The following SEMA3E variants were observed in gnomAD, a reference collection of about 807,000 sequenced individuals.
The protein encoded by SEMA3E is semaphorin 3E.
SEMA3E carries 49 observed loss-of-function variants against 93.6 expected under a neutral mutation model. That is an observed-to-expected ratio of 0.52 (90% CI 0.42 to 0.66). The LOEUF (loss-of-function observed/expected upper bound fraction) is 0.66, where lower values mean the gene tolerates loss of function less well. Ranked by LOEUF, SEMA3E falls within the 30% of genes least tolerant of loss-of-function variation. The pLI, the probability that SEMA3E is intolerant of heterozygous loss-of-function variation, is 0.00. For missense variants in SEMA3E, 906 were observed against 964.8 expected (o/e 0.94, Z 0.81); for synonymous variants, 363 against 330.7 (o/e 1.10, Z -1.06).
At chr7:83,439,874 G>T (rs1440738420) in intron 4 of SEMA3E, among the ~76,000 whole-genome samples, 6 of 152,146 alleles carry the variant, frequency 3.9e-5, no homozygotes, top group Non-Finnish European at 8.8e-5. Flanking sequence ...ATAGAAATAT[G>T]TAAAACTCAG....
chr7:83,455,303 A>G lies in SEMA3E; in HGVS notation c.456+11179T>C, dbSNP rs1789457847. On this transcript the variant is annotated intron_variant, in intron 4 of 16. Coordinates refer to ENST00000643230, the MANE Select transcript of SEMA3E (RefSeq NM_012431.3). Reference sequence around the variant, plus strand: ...CAAATTTTCCGAGGTTTGAGCAGAAAAATTCTGCAGATGGCCCACACATTC... The same window carrying G: ...CAAATTTTCCGAGGTTTGAGCAGAAGAATTCTGCAGATGGCCCACACATTC... Among the ~76,000 whole-genome samples the G allele has an allele frequency of 2.0e-5, 3 of 152,214 alleles. No homozygotes were observed. The South Asian group carries it at 6.2e-4, about 31-fold the overall frequency.
At chr7:83,433,923 G>A (rs568199111) in intron 4 of SEMA3E, among the ~76,000 whole-genome samples, 3 of 151,830 alleles carry the variant, frequency 2.0e-5, no homozygotes, top group African/African-American at 7.2e-5. Context: ...CATTATTTTG[G>A]GAAAGAATAA....
At chr7:83,537,266 A>G (rs73378789) in intron 1 of SEMA3E, among the ~76,000 whole-genome samples, 2,943 of 152,292 alleles carry the variant, frequency 0.019, 95 homozygotes, top group African/African-American at 0.067. Context: ...AGATATACAC[A>G]TTCACAGTTT....
chr7:83,593,260 G>GTCTCTCTCTCTCTCTCTCTCTCTC (rs1186592715), intron 1 of SEMA3E, among the ~76,000 whole-genome samples: 2 of 96,336 alleles, frequency 2.1e-5, no homozygotes, highest in African/African-American at 9.4e-5. Context: ...CTCTCTCTCT[G>GTCTCTCTCTCTCTCTCTCTCTCTC]TCTCTCTCTC....
intron 1 of SEMA3E, among the ~76,000 whole-genome samples, chr7:83,614,380 T>C (rs546565924): frequency 1.3e-5 from 2 of 152,202 alleles, no homozygotes; most frequent in South Asian, 4.1e-4. Context: ...TTTCACCACA[T>C]GTACTTTAGA....
At chr7:83,546,364 G>A (rs1027805976) in intron 1 of SEMA3E, among the ~76,000 whole-genome samples, 1 of 123,966 alleles carries the variant, frequency 8.1e-6, no homozygotes, top group African/African-American at 3.0e-5. Context: ...GTGTGTGTGT[G>A]TTGAGAAAGG....
intron 1 of SEMA3E, among the ~76,000 whole-genome samples, chr7:83,512,138 T>C (rs879438578): frequency 7.9e-5 from 12 of 152,120 alleles, no homozygotes; most frequent in Non-Finnish European, 1.6e-4. Context: ...TGTCCAAAAA[T>C]GGTTTTATTT....
chr7:83,545,221 G>C (rs3801542), intron 1 of SEMA3E, among the ~76,000 whole-genome samples: 38,500 of 151,758 alleles, frequency 0.25, 4,884 homozygotes, highest in Middle Eastern at 0.3. Flanking sequence ...TAAGCTACAT[G>C]GGGGCATAGC....
At chr7:83,406,232 TA>T (rs1243032001) in intron 7 of SEMA3E, among the ~76,000 whole-genome samples, 173 bp from the exon 8 acceptor site, 9 of 152,088 alleles carry the variant, frequency 5.9e-5, no homozygotes, top group African/African-American at 1.7e-4. Flanking sequence ...TTTGGATTTT[TA>T]TTTTTTTTTA....
At chr7:83,468,491 T>G (rs187453676) in intron 3 of SEMA3E, among the ~76,000 whole-genome samples, 1 of 152,112 alleles carries the variant, frequency 6.6e-6, no homozygotes, top group African/African-American at 2.4e-5. Flanking sequence ...ACTCCTTGGC[T>G]GTGACCCAGC....
intron 1 of SEMA3E, among the ~76,000 whole-genome samples, chr7:83,635,759 A>G (rs554175069): frequency 1.3e-5 from 2 of 152,118 alleles, no homozygotes; most frequent in Non-Finnish European, 2.9e-5. Flanking sequence ...AAGTAGAATG[A>G]TAAAACATAG....
chr7:83,598,827 C>T (rs536346999), intron 1 of SEMA3E, among the ~76,000 whole-genome samples: 24 of 152,184 alleles, frequency 1.6e-4, no homozygotes, highest in Non-Finnish European at 3.2e-4. Flanking sequence ...ACATGCTATA[C>T]ACCTAAGTGT....
chr7:83,648,521 T>G lies in SEMA3E; in HGVS notation c.22A>C (p.Ile8Leu), dbSNP rs1794110393. 1 of 1,613,408 alleles carries G rather than the reference T, an allele frequency of 6.2e-7. No homozygotes were observed. The highest frequency in any genetic ancestry group is 8.5e-7 in the Non-Finnish European group (1 of 1,179,834). The change falls in exon 1 of 17, where the codon ATC (isoleucine) becomes CTC (leucine). Residue 8 changes from isoleucine to leucine, a missense_variant. By Grantham distance (5) the Ile-to-Leu change is conservative. Coordinates refer to ENST00000643230, the MANE Select transcript of SEMA3E (RefSeq NM_012431.3). MASAGHI[I>L]TLLLWGYLLE... ...AAGTAACCCCACAGGAGCAAGGTGATAATGTGCCCCGCGGATGCCATGCTG... is the reference window on the plus strand; with the variant it reads ...AAGTAACCCCACAGGAGCAAGGTGAGAATGTGCCCCGCGGATGCCATGCTG...
chr7:83,548,176 G>C (rs1432751958), intron 1 of SEMA3E, among the ~76,000 whole-genome samples: 1 of 151,998 alleles, frequency 6.6e-6, no homozygotes. Flanking sequence ...CTATGTTTAA[G>C]AGATTTTAGA....
chr7:83,411,028 CT>C (rs1479901470), intron 5 of SEMA3E, among the ~76,000 whole-genome samples: 1 of 151,756 alleles, frequency 6.6e-6, no homozygotes, highest in Non-Finnish European at 1.5e-5. Flanking sequence ...GTATTTTAGA[CT>C]TTGATAATTG....
At chr7:83,562,735 G>C (rs1792057525) in intron 1 of SEMA3E, among the ~76,000 whole-genome samples, 1 of 151,894 alleles carries the variant, frequency 6.6e-6, no homozygotes, top group African/African-American at 2.4e-5. Flanking sequence ...ATTATTCCAG[G>C]GAAATAAGTC....
chr7:83,396,602 T>A, intron 12 of SEMA3E, 36 bp downstream of exon 12: 1 of 1,230,304 alleles, frequency 8.1e-7, no homozygotes, highest in South Asian at 1.2e-5. Flanking sequence ...GTAGTTGTAA[T>A]GCATAAATTT....
At chr7:83,576,824 G>A (rs1347138416) in intron 1 of SEMA3E, among the ~76,000 whole-genome samples, 3 of 151,854 alleles carry the variant, frequency 2.0e-5, no homozygotes, top group Non-Finnish European at 2.9e-5. Flanking sequence ...ATGGGGTTTC[G>A]CCATGTTGGG....
At chr7:83,543,285 G>A (rs1237731589) in intron 1 of SEMA3E, among the ~76,000 whole-genome samples, 2 of 152,000 alleles carry the variant, frequency 1.3e-5, no homozygotes, top group Non-Finnish European at 2.9e-5. Flanking sequence ...TCTTAAGGCA[G>A]TTAATTGCCA....
Sources: allele counts gnomAD v4.1 joint callset (sites outside exome capture counted in the v4.1 genomes callset), GRCh38; gene constraint gnomAD v4.1.1; transcripts MANE v1.5; gene names NCBI Gene and HGNC (gene_info 2026-07-23, HGNC 2026-07-21).